The following NCOA6 variants were observed in gnomAD, a reference collection of about 807,000 sequenced individuals.
NCOA6 encodes the protein nuclear receptor coactivator 6.
In NCOA6, 49 loss-of-function variants were observed where a neutral mutation model predicts 171.4. The observed-to-expected ratio is 0.29, with a 90% CI of 0.23 to 0.36. The LOEUF is 0.36. NCOA6 is among the 10% of genes least tolerant of loss of function. NCOA6 has a pLI of 1.00. For missense variants in NCOA6, 2,248 were observed against 2,554.5 expected, an observed-to-expected ratio of 0.88 and a Z score of 2.59; for synonymous variants, 910 against 927.5, an observed-to-expected ratio of 0.98 and a Z score of 0.34.
chr20:34,769,006 G>A lies in NCOA6; in HGVS notation c.392-420C>T, dbSNP rs1469940430. 2.0e-5 allele frequency among the ~76,000 whole-genome samples: 3 copies of A among 151,786 alleles called. No individual in the cohort carries two copies. In the South Asian group the frequency reaches 6.2e-4, roughly 31 times the overall value. Reference sequence around the variant, plus strand: ...ATCAGAAGGTAGACACTAAATATAAGTAGGTTTAAAGAAGAAAGAACCTAT... The same window carrying A: ...ATCAGAAGGTAGACACTAAATATAAATAGGTTTAAAGAAGAAAGAACCTAT... On this transcript the variant is annotated intron_variant, in intron 4 of 14. Transcript: ENST00000359003.
chr20:34,736,514 T>C (rs759159018), intron 12 of NCOA6, among the ~76,000 whole-genome samples, 176 bp downstream of exon 12: 1 of 152,014 alleles, frequency 6.6e-6, no homozygotes, highest in African/African-American at 2.4e-5. Context: ...GGGGGGAAAA[T>C]AATCTCAAGT....
chr20:34,814,665 C>G (rs1044195944), intron 1 of NCOA6, among the ~76,000 whole-genome samples: 2 of 152,132 alleles, frequency 1.3e-5, no homozygotes, highest in Non-Finnish European at 2.9e-5. Flanking sequence ...GATCTTGGCT[C>G]ACCGCAACCT....
intron 1 of NCOA6, among the ~76,000 whole-genome samples, chr20:34,815,818 T>G (rs1160947289): frequency 6.6e-6 from 1 of 152,202 alleles, no homozygotes; most frequent in Non-Finnish European, 1.5e-5. Flanking sequence ...TGAGGGAGGC[T>G]GGGTGTGTTG....
rs781599556 is a variant in NCOA6, at chr20:34,750,396, C to T, written c.1799G>A (p.Gly600Glu). 3.1e-6 allele frequency: 5 copies of T among 1,614,038 alleles called. No individual in the cohort carries two copies. In the Admixed American group the frequency reaches 8.3e-5, roughly 27 times the overall value. The change falls in exon 9 of 15, where the codon GGG becomes GAG. Residue 600 changes from glycine (G) to glutamate (E), a missense_variant. Gly to Glu is a moderately conservative substitution (Grantham distance 98, BLOSUM62 -2). Transcript: ENST00000359003. ...NMNNQQAGTS[G>E]VPQVNLSNMQ... ...GTTGCTGAGGTTCACTTGAGGAACC[C>T]CAGAAGTACCAGCCTGCTGATTGTT...
chr20:34,717,808 AG>A (rs1433208079), intron 14 of NCOA6, among the ~76,000 whole-genome samples: 2 of 152,218 alleles, frequency 1.3e-5, no homozygotes, highest in African/African-American at 2.4e-5. Flanking sequence ...AAAAATAGGC[AG>A]GGTTTTTGTC....
chr20:34,790,637 G>GGT (rs2077846200), intron 2 of NCOA6, among the ~76,000 whole-genome samples: 2 of 151,968 alleles, frequency 1.3e-5, no homozygotes, highest in South Asian at 4.1e-4. Context: ...CCACAGGCGT[G>GGT]AGCCACCACG....
chr20:34,790,863 C>G (rs557423309), intron 2 of NCOA6, among the ~76,000 whole-genome samples: 1 of 150,822 alleles, frequency 6.6e-6, no homozygotes, highest in South Asian at 2.1e-4. Context: ...ATTGGCCAGG[C>G]TAGTCTCAAA....
rs1568901742 is a variant in NCOA6 at position 34,817,123 on chromosome 20, ACACAC to A, written c.-164+8344_-164+8348del. Among the ~76,000 whole-genome samples, 780 of 131,154 alleles carry A rather than the reference ACACAC, an allele frequency of 5.9e-3. 111 individuals are homozygous for A. The highest frequency in any genetic ancestry group is 9.1e-3 in the Non-Finnish European group (525 of 58,000). 86.0% of individuals were successfully genotyped at this position (131,154 alleles called of 152,430 possible). On this transcript the variant is annotated intron_variant, in intron 1 of 14. Coordinates refer to ENST00000359003, the MANE Select transcript of NCOA6 (RefSeq NM_014071.5). ...GGGCAACAGAGTGAGACTCCATCAC[ACACAC>A]ACACAAAAAAGCAAAAGCAAAAGCA...
At chr20:34,817,692 C>A (rs2146724057) in intron 1 of NCOA6, among the ~76,000 whole-genome samples, 1 of 152,206 alleles carries the variant, frequency 6.6e-6, no homozygotes, top group Non-Finnish European at 1.5e-5. Context: ...TCAAAATAGG[C>A]AGACACTGGA....
At position 34,741,396 on chromosome 20, in the gene NCOA6, CAAGT is replaced by C; in HGVS notation, c.4856_4859del (p.His1619ArgfsTer5). The C allele has an allele frequency of 6.2e-7, 1 of 1,614,204 alleles. No homozygotes were observed. The highest frequency in any genetic ancestry group is 8.5e-7 in the Non-Finnish European group (1 of 1,180,032). On this transcript the variant is annotated frameshift_variant, in exon 11 of 15. Transcript: ENST00000359003. LOFTEE classifies it high-confidence loss of function. ...CAACTGTTGACATCAATGCAGACTGCAAGTGAGTTGGCAAAGCTGCTGATGTGTT... is the reference window on the plus strand; with the variant it reads ...CAACTGTTGACATCAATGCAGACTGCGAGTTGGCAAAGCTGCTGATGTGTT...
chr20:34,778,958 CAAAA>C (rs57631874), intron 3 of NCOA6, among the ~76,000 whole-genome samples: 50 of 46,486 alleles, frequency 1.1e-3, no homozygotes, highest in African/African-American at 3.7e-3. Context: ...GACTCCGTTT[CAAAA>C]AAAAAAAAAA....
At chr20:34,795,987 T>A (rs1265181474) in intron 1 of NCOA6, among the ~76,000 whole-genome samples, 1 of 151,084 alleles carries the variant, frequency 6.6e-6, no homozygotes, top group Non-Finnish European at 1.5e-5. Flanking sequence ...TTGTTTCAAC[T>A]TTTCTATATG....
chr20:34,743,301 C>A lies in NCOA6; in HGVS notation c.2955G>T (p.Gln985His). ...SQPVEQRPLQ[Q>H]MPPQLMQHVA... ...CATGCTGCATGAGTTGAGGAGGCAT[C>A]TGCTGAAGTGGCCTCTGTTCAACTG... The change falls in exon 11 of 15, where the codon CAG becomes CAT. Residue 985 changes from glutamine (Q) to histidine (H), a missense_variant. Coordinates refer to ENST00000359003, the MANE Select transcript of NCOA6 (RefSeq NM_014071.5). 1 of 1,612,620 alleles carries A rather than the reference C, an allele frequency of 6.2e-7. No homozygotes were observed. Among genetic ancestry groups the A allele is most frequent in the Non-Finnish European group, 8.5e-7 (1 of 1,179,022 alleles).
At chr20:34,756,698 T>C (rs967552129) in intron 7 of NCOA6, among the ~76,000 whole-genome samples, 1 of 152,218 alleles carries the variant, frequency 6.6e-6, no homozygotes, top group South Asian at 2.1e-4. Context: ...ATTGGCATTA[T>C]AAAACTATAA....
chr20:34,724,755 AT>A lies in NCOA6; in HGVS notation c.6148+2503del, dbSNP rs199642684. On this transcript the variant is annotated intron_variant, in intron 14 of 14. Coordinates refer to ENST00000359003, the MANE Select transcript of NCOA6 (RefSeq NM_014071.5). ...TAGCATTTAACATTTAACACAGAGT[AT>A]TAGAATTCGTCTTTCAATGTGGTAA... Among the ~76,000 whole-genome samples the A allele has an allele frequency of 4.0e-4, 61 of 151,988 alleles. 1 individual carries two copies. In the East Asian group the frequency reaches 0.012, roughly 29 times the overall value.
intron 1 of NCOA6, among the ~76,000 whole-genome samples, chr20:34,808,081 C>T (rs1312789925): frequency 2.6e-5 from 4 of 151,244 alleles, no homozygotes; most frequent in African/African-American, 7.3e-5. Context: ...ACCCAGGAGG[C>T]GGAGGTTGCA....
chr20:34,729,689 A>G (rs1158572080), intron 13 of NCOA6, among the ~76,000 whole-genome samples: 1 of 152,184 alleles, frequency 6.6e-6, no homozygotes, highest in Non-Finnish European at 1.5e-5. Context: ...TAGAGCACCC[A>G]TCAGATTGTA....
intron 5 of NCOA6, among the ~76,000 whole-genome samples, chr20:34,761,072 A>C (rs573763131): frequency 6.6e-6 from 1 of 152,258 alleles, no homozygotes; most frequent in South Asian, 2.1e-4. Flanking sequence ...AAATACAAAA[A>C]TTAGCTGGGC....
At chr20:34,761,066 AC>A (rs1394031413) in intron 5 of NCOA6, among the ~76,000 whole-genome samples, 1 of 152,120 alleles carries the variant, frequency 6.6e-6, no homozygotes, top group Non-Finnish European at 1.5e-5. Flanking sequence ...TAGTAAAAAT[AC>A]AAAAATTAGC....
Sources: gnomAD v4.1 joint callset for allele counts (sites outside exome capture counted in the v4.1 genomes callset) on GRCh38, gnomAD v4.1.1 for gene constraint, MANE v1.5 for transcripts, NCBI Gene and HGNC (gene_info 2026-07-23, HGNC 2026-07-21) for gene names.